Variants in ARHGAP39 observed in about 807,000 individuals in gnomAD.
The protein encoded by ARHGAP39 is Rho GTPase activating protein 39.
In ARHGAP39, 44 loss-of-function variants were observed where a neutral mutation model predicts 106.9. That is an observed-to-expected ratio of 0.41 (90% CI 0.32 to 0.53). ARHGAP39 has a LOEUF of 0.53. Ranked by LOEUF, ARHGAP39 falls within the 20% of genes least tolerant of loss-of-function variation. The pLI is 0.21. For synonymous variants in ARHGAP39, 768 were observed against 693.2 expected (o/e 1.11, Z -1.69); for missense variants, 1,496 against 1,577.3 (o/e 0.95, Z 0.87).
intron 1 of ARHGAP39, among the ~76,000 whole-genome samples, chr8:144,683,908 C>G (rs1470884905): frequency 1.3e-5 from 2 of 152,190 alleles, no homozygotes; most frequent in Non-Finnish European, 2.9e-5. Context: ...ATAACCATTC[C>G]TAACTTTCTA....
intron 1 of ARHGAP39, among the ~76,000 whole-genome samples, chr8:144,673,146 G>A (rs545752739): frequency 6.6e-5 from 10 of 151,842 alleles, no homozygotes; most frequent in South Asian, 4.1e-4. Context: ...GAGCCCAGGA[G>A]GTCAAAGATA....
the ARHGAP39 span, among the ~76,000 whole-genome samples, chr8:144,699,455 G>A: frequency 2.1e-5 from 3 of 140,834 alleles, no homozygotes; most frequent in Admixed American, 1.4e-4. Flanking sequence ...AGGCGGGGGT[G>A]GGAGGCTGTG....
At chr8:144,602,667 C>T (rs570348278) in intron 2 of ARHGAP39, among the ~76,000 whole-genome samples, 999 of 92,818 alleles carry the variant, frequency 0.011, 20 homozygotes, top group African/African-American at 0.04. Flanking sequence ...TGCATGGAGG[C>T]GTGCGTGCGA....
Position 144,531,248 on chromosome 8 carries a change from AGCG to A in ARHGAP39, c.2981-380_2981-378del, listed in dbSNP as rs1564831668. Among the ~76,000 whole-genome samples the A allele has an allele frequency of 3.9e-3, 429 of 110,732 alleles. 4 individuals are homozygous for A. The highest frequency in any genetic ancestry group is 9.6e-3 in the South Asian group (28 of 2,906). The allele number at this position is 110,732 out of a possible 152,430, so 72.6% of individuals were successfully genotyped here. On this transcript the variant is annotated intron_variant, in intron 10 of 11. Transcript: ENST00000377307. ...CAGGCACGGCAGAAGGGCACAGGGC[AGCG>A]AGCAGCAGGTGGGGAGTGGGCTAGA...
chr8:144,624,479 T>G (rs1443372630), intron 1 of ARHGAP39, among the ~76,000 whole-genome samples: 2 of 152,258 alleles, frequency 1.3e-5, no homozygotes, highest in East Asian at 3.8e-4. Context: ...GACTCGCCTG[T>G]GTGGCAAGGC....
intron 3 of ARHGAP39, among the ~76,000 whole-genome samples, chr8:144,561,964 T>C (rs376468965): frequency 0.015 from 2,227 of 148,096 alleles, 62 homozygotes; most frequent in African/African-American, 0.052. Flanking sequence ...TCCATCGGAC[T>C]CCAGTGGTTT....
chr8:144,680,198 G>C (rs867554212), intron 1 of ARHGAP39, among the ~76,000 whole-genome samples: 1 of 152,168 alleles, frequency 6.6e-6, no homozygotes, highest in South Asian at 2.1e-4. Flanking sequence ...GTACGGTTCA[G>C]CTAGAAGACC....
At position 144,548,382 on chromosome 8, in the gene ARHGAP39, T is replaced by C; in HGVS notation, c.704A>G (p.Asp235Gly). The C allele has an allele frequency of 1.2e-6, 2 of 1,609,972 alleles. No individual in the cohort carries two copies. The highest frequency in any genetic ancestry group is 1.7e-6 in the Non-Finnish European group (2 of 1,178,804). Residue 235 changes from aspartate (D) to glycine (G), a missense_variant, in exon 5 of 12, where the codon GAC becomes GGC. Asp to Gly is a moderately conservative substitution (Grantham distance 94, BLOSUM62 -1). Coordinates refer to ENST00000377307, the MANE Select transcript of ARHGAP39 (RefSeq NM_025251.3). This position sits in a 1 kb window ranked among gnomAD's most constrained non-coding sequence, Gnocchi z 7.4. ...GCGGGAGCGGACCCCAGGTGGGCCG[T>C]CTGGGGCGTAGCCATTGCCCTGGGC... ...LAAQGNGYAP[D>G]GPPGVRSRRP...
At chr8:144,688,847 A>C (rs1029304577), upstream of ARHGAP39, among the ~76,000 whole-genome samples, 3 of 152,254 alleles carry the variant, frequency 2.0e-5, no homozygotes, top group Non-Finnish European at 2.9e-5. Flanking sequence ...AATAATCTTA[A>C]TTCCAGCAAG....
chr8:144,663,581 A>G (rs536635114), intron 1 of ARHGAP39, among the ~76,000 whole-genome samples: 58 of 152,268 alleles, frequency 3.8e-4, no homozygotes, highest in African/African-American at 1.3e-3. Context: ...AGCCAACCAC[A>G]GCAGCCTCCT....
At position 144,530,192 on chromosome 8, in the gene ARHGAP39, A is replaced by G; in HGVS notation, c.*230T>C. 1 of 526,690 alleles carries G rather than the reference A, an allele frequency of 1.9e-6. No homozygotes were observed. The highest frequency in any genetic ancestry group is 3.3e-6 in the Non-Finnish European group (1 of 298,588). 32.6% of individuals were successfully genotyped at this position (526,690 alleles called of 1,614,324 possible). On this transcript the variant is annotated 3_prime_UTR_variant, in exon 12 of 12. Transcript: ENST00000377307. ...GGAGGGCGAGGCGGTGCCCGCGGGA[A>G]CTGGCCGTGAGGTGGGGGGCCAGAG... is the stretch of plus-strand genomic sequence containing the variant.
chr8:144,618,602 T>C (rs1246898047), intron 1 of ARHGAP39, among the ~76,000 whole-genome samples: 4 of 151,818 alleles, frequency 2.6e-5, no homozygotes, highest in Non-Finnish European at 5.9e-5. Flanking sequence ...GCCTCAGCCA[T>C]GCGCCCTCCA....
In ARHGAP39 at chr8:144,645,015, T is replaced by C. The variant is rs188914681; in HGVS notation, c.-81-39320A>G. On this transcript the variant is annotated intron_variant, in intron 1 of 11. Coordinates refer to ENST00000377307, the MANE Select transcript of ARHGAP39 (RefSeq NM_025251.3). The surrounding 1 kb of genome is among the most constrained non-coding windows in gnomAD (Gnocchi z 4.4). Reference sequence around the variant, plus strand: ...TCCCTGGGTGGCAGGTGACAGGCGCTGGGCCACGGCAGAGAGCACATGTCA... The same window carrying C: ...TCCCTGGGTGGCAGGTGACAGGCGCCGGGCCACGGCAGAGAGCACATGTCA... Among the ~76,000 whole-genome samples, 13 of 152,358 alleles carry C rather than the reference T, an allele frequency of 8.5e-5. No individual in the cohort carries two copies. The highest frequency in any genetic ancestry group is 2.6e-4 in the African/African-American group (11 of 41,590).
chr8:144,540,092 A>G (rs1033311602), intron 6 of ARHGAP39, among the ~76,000 whole-genome samples: 3 of 152,194 alleles, frequency 2.0e-5, no homozygotes, highest in African/African-American at 4.8e-5. Flanking sequence ...CAGGTCTTAC[A>G]TGTCCTTTGT....
At chr8:144,541,495 T>C (rs912254491) in intron 6 of ARHGAP39, among the ~76,000 whole-genome samples, 32 of 152,224 alleles carry the variant, frequency 2.1e-4, no homozygotes, top group African/African-American at 7.7e-4. Context: ...CCAGAACTTT[T>C]TCATCTTTCC....
Position 144,678,874 on chromosome 8 carries a change from C to G in ARHGAP39, c.-82+6812G>C, listed in dbSNP as rs1822311772. ...CTATGTGGCAGAGACAGGGGAGTGG[C>G]TCAAGGCTGGGGCAGGAGAGCCCCA... is the stretch of plus-strand genomic sequence containing the variant. On this transcript the variant is annotated intron_variant, in intron 1 of 11. Coordinates refer to ENST00000377307, the MANE Select transcript of ARHGAP39 (RefSeq NM_025251.3). Among the ~76,000 whole-genome samples the G allele has an allele frequency of 1.3e-5, 2 of 152,122 alleles. 1 individual carries two copies. Among genetic ancestry groups the G allele is most frequent in the South Asian group, 4.1e-4 (2 of 4,828 alleles).
intron 6 of ARHGAP39, among the ~76,000 whole-genome samples, chr8:144,540,704 G>T (rs907731791): frequency 2.6e-5 from 4 of 152,288 alleles, no homozygotes; most frequent in Non-Finnish European, 5.9e-5. Flanking sequence ...GGAGGCTGAG[G>T]TGGGAGGATC....
chr8:144,546,271 G>A (rs1817417230), intron 5 of ARHGAP39, among the ~76,000 whole-genome samples: 1 of 152,190 alleles, frequency 6.6e-6, no homozygotes, highest in South Asian at 2.1e-4. Context: ...CTTCACCCCA[G>A]GCCGACCTCC....
chr8:144,601,319 T>TGC (rs1586599786), intron 2 of ARHGAP39, among the ~76,000 whole-genome samples: 2 of 140,400 alleles, frequency 1.4e-5, no homozygotes, highest in Non-Finnish European at 1.5e-5. Flanking sequence ...TGTGTGTGTG[T>TGC]GTGGAGGCGT....
Sources: allele counts gnomAD v4.1 joint callset (sites outside exome capture counted in the v4.1 genomes callset), GRCh38; gene constraint gnomAD v4.1.1; non-coding constraint Gnocchi (gnomAD v3.1); transcripts MANE v1.5; gene names NCBI Gene and HGNC (gene_info 2026-07-23, HGNC 2026-07-21).